The following UNC79 variants were observed in gnomAD, a reference collection of about 807,000 sequenced individuals.
UNC79 encodes the protein protein unc-79 homolog.
UNC79 carries 37 observed loss-of-function variants against 283.1 expected under a neutral mutation model. That is an observed-to-expected ratio of 0.13 (90% CI 0.10 to 0.17). The LOEUF (loss-of-function observed/expected upper bound fraction) is 0.17. Among genes scored for constraint, UNC79 ranks in the 10% least tolerant of loss-of-function variants. The pLI is 1.00. For synonymous variants in UNC79, 1,107 were observed against 1,200.2 expected (o/e 0.92, Z 1.61); for missense variants, 2,272 against 3,211.1 (o/e 0.71, Z 7.07).
chr14:93,561,102 C>G (rs1267710182), intron 14 of UNC79, among the ~76,000 whole-genome samples: 3 of 151,968 alleles, frequency 2.0e-5, no homozygotes, highest in African/African-American at 7.3e-5. Context: ...TTTAAGTTTG[C>G]CAGTATTGAT....
rs567668799 is a variant in UNC79, at chr14:93,492,707, T to C, written c.713-3704T>C. On this transcript the variant is annotated intron_variant, in intron 5 of 48. Transcript: ENST00000555664. ...GGGGCATTCTGGGAGGGGAAGCTGT[T>C]TTAACAAAGGAACTGTCCAGGTATG... is the stretch of plus-strand genomic sequence containing the variant. Among the ~76,000 whole-genome samples, 7 of 152,288 alleles carry C rather than the reference T, an allele frequency of 4.6e-5. No homozygotes were observed. The East Asian group carries it at 7.7e-4, about 17-fold the overall frequency.
chr14:93,602,536 G>A (rs147312165), intron 25 of UNC79, among the ~76,000 whole-genome samples: 534 of 152,312 alleles, frequency 3.5e-3, no homozygotes, highest in Middle Eastern at 0.01. Flanking sequence ...CCAGGAATGC[G>A]ATGCCTCCAG....
chr14:93,595,775 T>G (rs1458118198), intron 23 of UNC79, among the ~76,000 whole-genome samples: 4 of 152,336 alleles, frequency 2.6e-5, no homozygotes, highest in African/African-American at 9.6e-5. Context: ...TTTACAGCTT[T>G]TTCAAAGTCA....
chr14:93,367,219 A>G (rs189111020), intron 1 of UNC79, among the ~76,000 whole-genome samples: 2 of 152,376 alleles, frequency 1.3e-5, no homozygotes, highest in East Asian at 3.9e-4. Context: ...AAGAAATCTA[A>G]GGACGAGGAA....
intron 1 of UNC79, among the ~76,000 whole-genome samples, chr14:93,459,602 A>C (rs1429680289): frequency 6.6e-6 from 1 of 150,392 alleles, no homozygotes; most frequent in Non-Finnish European, 1.5e-5. Flanking sequence ...CTGTTAAACT[A>C]TCAGTTTTAT....
chr14:93,387,595 A>C (rs1429565801), intron 1 of UNC79, among the ~76,000 whole-genome samples: 1 of 152,204 alleles, frequency 6.6e-6, no homozygotes, highest in African/African-American at 2.4e-5. Context: ...CATTGTGGTC[A>C]GAGAAGATGC....
At position 93,613,301 on chromosome 14, in the gene UNC79, C is replaced by CGTGTGTGT. The variant is rs200301706; in HGVS notation, c.4041+234_4041+241dup. On this transcript the variant is annotated intron_variant, in intron 27 of 48. Transcript: ENST00000555664. Reference sequence around the variant, plus strand: ...AAATGACAGAGAGAGAGACTGCATGCGTGTGTGTGTGTGTGTGTGTGTGAG... The same window carrying CGTGTGTGT: ...AAATGACAGAGAGAGAGACTGCATGCGTGTGTGTGTGTGTGTGTGTGTGTGTGTGTGAG... 4.4e-3 allele frequency among the ~76,000 whole-genome samples: 639 copies of CGTGTGTGT among 146,844 alleles called. 2 individuals carry two copies. Among genetic ancestry groups the CGTGTGTGT allele is most frequent in the African/African-American group, 0.015 (599 of 40,088 alleles).
chr14:93,573,178 G>A (rs181696924), intron 16 of UNC79, among the ~76,000 whole-genome samples: 8 of 152,256 alleles, frequency 5.3e-5, no homozygotes, highest in Admixed American at 4.6e-4. Flanking sequence ...AGGATTTAGT[G>A]AGTAGTTCAT....
At chr14:93,468,693 T>C (rs1249257625) in intron 2 of UNC79, among the ~76,000 whole-genome samples, 1 of 152,228 alleles carries the variant, frequency 6.6e-6, no homozygotes. Context: ...GCTTTGCGGA[T>C]GGAAGCTTCA....
chr14:93,520,388 T>G (rs1272937801), intron 7 of UNC79, among the ~76,000 whole-genome samples: 1 of 151,930 alleles, frequency 6.6e-6, no homozygotes, highest in African/African-American at 2.4e-5. Context: ...GGTGTTATTT[T>G]CTTTGCTTTT....
intron 30 of UNC79, among the ~76,000 whole-genome samples, chr14:93,625,382 T>C (rs910305666): frequency 3.3e-5 from 5 of 152,236 alleles, no homozygotes; most frequent in Non-Finnish European, 7.3e-5. Flanking sequence ...ACAAATTTGA[T>C]TCGTGGCCCT....
At chr14:93,464,912 C>T (rs1330733474) in intron 1 of UNC79, among the ~76,000 whole-genome samples, 1 of 152,176 alleles carries the variant, frequency 6.6e-6, no homozygotes, top group Non-Finnish European at 1.5e-5. Context: ...ATCCTTGGCA[C>T]AAGTACAAAT....
At chr14:93,563,795 C>T (rs1396365114) in intron 14 of UNC79, among the ~76,000 whole-genome samples, 1 of 151,902 alleles carries the variant, frequency 6.6e-6, no homozygotes, top group Non-Finnish European at 1.5e-5. Context: ...AATGTGGGAG[C>T]CCGGATTGAA....
chr14:93,383,639 G>A (rs1462796515), intron 1 of UNC79, among the ~76,000 whole-genome samples: 3 of 152,278 alleles, frequency 2.0e-5, no homozygotes, highest in Non-Finnish European at 4.4e-5. Context: ...TGATGTTGAT[G>A]ACTGCTGACT....
intron 1 of UNC79, among the ~76,000 whole-genome samples, chr14:93,433,044 T>C (rs1379454904): frequency 6.6e-6 from 1 of 152,242 alleles, no homozygotes; most frequent in Admixed American, 6.5e-5. Context: ...CAGATTTTTT[T>C]CATCTGTAGA....
intron 1 of UNC79, among the ~76,000 whole-genome samples, chr14:93,370,670 G>A (rs2054425061): frequency 6.6e-6 from 1 of 152,192 alleles, no homozygotes; most frequent in Admixed American, 6.5e-5. Flanking sequence ...TACTCGGGAG[G>A]CTGAGGCAGG....
In UNC79 at chr14:93,493,892, TATATA is replaced by T. The variant is rs1417337393; in HGVS notation, c.713-2518_713-2514del. On this transcript the variant is annotated intron_variant, in intron 5 of 48. Coordinates refer to ENST00000555664, the Ensembl canonical transcript of UNC79. ...AGTGCCACATATATATATATATATATATATATATATTTTTTTTTTTTTTTTTTTGA... is the reference window on the plus strand; with the variant it reads ...AGTGCCACATATATATATATATATATTATATTTTTTTTTTTTTTTTTTTGA... 2.1e-3 allele frequency among the ~76,000 whole-genome samples: 154 copies of T among 74,158 alleles called. 1 individual carries two copies. Among genetic ancestry groups the T allele is most frequent in the Non-Finnish European group, 2.4e-3 (97 of 39,870 alleles). The allele number at this position is 74,158 out of a possible 152,430, so 48.7% of individuals were successfully genotyped here. A position where few individuals can be genotyped will look rare whatever the true frequency, so the allele number is the denominator to read the frequency against.
chr14:93,528,649 A>G lies in UNC79; in HGVS notation c.1052+3A>G. ...GAATGCAGCGAGAGGATTGCAGGGT[A>G]GGTATAAGAGTTCTTAAAGAAAAGG... On this transcript the variant is annotated splice_donor_region_variant and intron_variant, in intron 9 of 48. Transcript: ENST00000555664. 2 of 1,612,964 alleles carry G rather than the reference A, an allele frequency of 1.2e-6. No homozygotes were observed. The highest frequency in any genetic ancestry group is 1.7e-6 in the Non-Finnish European group (2 of 1,179,318).
chr14:93,582,934 C>T (rs1445789750), intron 20 of UNC79, among the ~76,000 whole-genome samples: 1 of 152,096 alleles, frequency 6.6e-6, no homozygotes, highest in Non-Finnish European at 1.5e-5. Context: ...ATTTCTAGCT[C>T]TGGGTGGTGG....
Sources: allele counts gnomAD v4.1 joint callset (sites outside exome capture counted in the v4.1 genomes callset), GRCh38; gene constraint gnomAD v4.1.1; transcripts MANE v1.5; gene names NCBI Gene and HGNC (gene_info 2026-07-23, HGNC 2026-07-21).